The following ZNF276 variants were observed in gnomAD, a reference collection of about 807,000 sequenced individuals.
The protein encoded by ZNF276 is zinc finger protein 276.
Under a neutral mutation model 63.9 loss-of-function variants are expected in ZNF276, and 59 were observed. The ratio of observed to expected loss-of-function variants is 0.92; its 90% CI spans 0.75 to 1.15. The LOEUF (loss-of-function observed/expected upper bound fraction) is 1.15, where lower values mean the gene tolerates loss of function less well. Among genes scored for constraint, ZNF276 ranks in the 50% most tolerant of loss-of-function variants. ZNF276 has a pLI of 0.00. For synonymous variants in ZNF276, 496 were observed against 348.4 expected, an observed-to-expected ratio of 1.42 and a Z score of -4.72; for missense variants, 1,084 against 843.8, an observed-to-expected ratio of 1.28 and a Z score of -3.53.
At chr16:89,720,581 A>G, upstream of ZNF276, 4 of 1,218,204 alleles carry the variant, frequency 3.3e-6, no homozygotes, top group Middle Eastern at 6.5e-4. Context: ...GAGCTGTCCA[A>G]GGTCACTGCA....
chr16:89,731,171 C>T (rs549935867), intron 6 of ZNF276, among the ~76,000 whole-genome samples: 14 of 152,336 alleles, frequency 9.2e-5, no homozygotes, highest in South Asian at 4.1e-4. Flanking sequence ...GTGAGGGGGA[C>T]ATGTGGCTAG....
At chr16:89,725,711 A>C (rs2061447231) in intron 4 of ZNF276, among the ~76,000 whole-genome samples, 1 of 151,874 alleles carries the variant, frequency 6.6e-6, no homozygotes, top group Non-Finnish European at 1.5e-5. Context: ...GAATCGCTTG[A>C]CCCTGGGAGG....
chr16:89,720,622 C>A, upstream of ZNF276: 1 of 1,228,462 alleles, frequency 8.1e-7, no homozygotes, highest in Non-Finnish European at 1.0e-6. Context: ...CCGTCCTCGC[C>A]CGGGAACCGC....
In ZNF276 at chr16:89,739,633, G is replaced by T. The variant is rs2062074812; in HGVS notation, c.*1387G>T. ...TGCTGGGGACACCCCTGGGGGTCGGGACGTGTACCCTGGGAGGCCTGGCTG... is the reference window on the plus strand; with the variant it reads ...TGCTGGGGACACCCCTGGGGGTCGGTACGTGTACCCTGGGAGGCCTGGCTG... On this transcript the variant is annotated 3_prime_UTR_variant, in exon 11 of 11. Coordinates refer to ENST00000443381, the MANE Select transcript of ZNF276 (RefSeq NM_001113525.2). 2 of 1,518,176 alleles carry T rather than the reference G, an allele frequency of 1.3e-6. No homozygotes were observed. The highest frequency in any genetic ancestry group is 2.4e-5 in the South Asian group (2 of 83,280). The allele number at this position is 1,518,176 out of a possible 1,614,324, so 94.0% of individuals were successfully genotyped here. A position where few individuals can be genotyped will look rare whatever the true frequency, so the allele number is the denominator to read the frequency against.
intron 2 of ZNF276, 81 bp downstream of exon 2, chr16:89,722,915 C>G (rs1415058388): frequency 6.4e-7 from 1 of 1,558,746 alleles, no homozygotes; most frequent in African/African-American, 1.3e-5. Flanking sequence ...CAGGGCGTGC[C>G]TCCGCGGGAG....
At position 89,733,576 on chromosome 16, in the gene ZNF276, T is replaced by C; in HGVS notation, c.1356+19T>C. ...CATGAAGGTGAGCACTGGCTGTGCCTGACCCAGGCCCGGCAGCTGTCAGTG... is the reference window on the plus strand; with the variant it reads ...CATGAAGGTGAGCACTGGCTGTGCCCGACCCAGGCCCGGCAGCTGTCAGTG... On this transcript the variant is annotated intron_variant, in intron 8 of 10. Coordinates refer to ENST00000443381, the MANE Select transcript of ZNF276 (RefSeq NM_001113525.2). 6.2e-7 allele frequency: 1 copy of C among 1,613,210 alleles called. No individual in the cohort carries two copies. Among genetic ancestry groups the C allele is most frequent in the South Asian group, 1.1e-5 (1 of 91,048 alleles).
intron 9 of ZNF276, among the ~76,000 whole-genome samples, chr16:89,734,362 G>C (rs992126999): frequency 2.2e-4 from 34 of 151,966 alleles, no homozygotes; most frequent in African/African-American, 7.7e-4. Context: ...GTCCTGCTCT[G>C]TTGCCCAGGC....
chr16:89,738,893 G>C lies in ZNF276; in HGVS notation c.*647G>C, dbSNP rs17227403. On this transcript the variant is annotated 3_prime_UTR_variant, in exon 11 of 11. Coordinates refer to ENST00000443381, the MANE Select transcript of ZNF276 (RefSeq NM_001113525.2). ...CATCTTGACGTTACCTCTGCCACGT[G>C]TGAGAAGCTCTTTTTCGGGCACCGA... 4.1e-3 allele frequency: 6,657 copies of C among 1,614,250 alleles called. 16 individuals carry two copies. Among genetic ancestry groups the C allele is most frequent in the Non-Finnish European group, 4.5e-3 (5,354 of 1,180,046 alleles).
In ZNF276 at chr16:89,723,341, T is replaced by C. The variant is rs1409048482; in HGVS notation, c.638T>C (p.Leu213Pro). 1 of 1,612,900 alleles carries C rather than the reference T, an allele frequency of 6.2e-7. No homozygotes were observed. The highest frequency in any genetic ancestry group is 8.5e-7 in the Non-Finnish European group (1 of 1,180,038). ...GGACATGCGGCCAGCTGCGGGGCCCTGCCCCACCTTCAGAGGACACTGTCC... is the reference window on the plus strand; with the variant it reads ...GGACATGCGGCCAGCTGCGGGGCCCCGCCCCACCTTCAGAGGACACTGTCC... Reference protein sequence around the residue: ...VHGHAASCGALPHLQRTLSSE... With the variant: ...VHGHAASCGAPPHLQRTLSSE... The change falls in exon 4 of 11, where the codon CTG (leucine) becomes CCG (proline). Residue 213 changes from leucine to proline, a missense_variant. By Grantham distance (98) the Leu-to-Pro change is moderately conservative. Coordinates refer to ENST00000443381, the MANE Select transcript of ZNF276 (RefSeq NM_001113525.2).
intron 4 of ZNF276, among the ~76,000 whole-genome samples, chr16:89,724,958 A>G (rs1043794498): frequency 3.9e-5 from 6 of 151,946 alleles, no homozygotes; most frequent in Non-Finnish European, 7.4e-5. Context: ...GTGTTTATTT[A>G]TTTTTGAGAC....
chr16:89,729,117 C>A, intron 5 of ZNF276, 118 bp from the exon 6 acceptor site: 2 of 813,620 alleles, frequency 2.5e-6, no homozygotes, highest in Admixed American at 2.5e-5. Context: ...AAGACATTTT[C>A]AGAAGAACTC....
intron 6 of ZNF276, among the ~76,000 whole-genome samples, chr16:89,730,471 C>T (rs117090085): frequency 0.011 from 1,650 of 152,194 alleles, 15 homozygotes; most frequent in South Asian, 0.048. Context: ...GAGCCTTTTC[C>T]GGATCGAGGC....
chr16:89,735,117 T>C (rs1314068037), intron 9 of ZNF276, among the ~76,000 whole-genome samples: 1 of 151,736 alleles, frequency 6.6e-6, no homozygotes, highest in East Asian at 1.9e-4. Context: ...TGGGCAACAG[T>C]GAGACACTGT....
At position 89,722,646 on chromosome 16, in the gene ZNF276, C is replaced by A; in HGVS notation, c.321C>A (p.Ser107=). The change falls in exon 2 of 11, where the codon TCC becomes TCA. Residue 107 remains serine (S), a synonymous_variant. Coordinates refer to ENST00000443381, the MANE Select transcript of ZNF276 (RefSeq NM_001113525.2). The part of the protein sequence containing the change: ...RAPGASMERP[S]AEERVLVRDF... ...CTGGAGCGAGCATGGAGAGGCCATC[C>A]GCAGAGGAGCGCGTGCTCGTACGGG... 1 of 1,612,158 alleles carries A rather than the reference C, an allele frequency of 6.2e-7. No homozygotes were observed. The highest frequency in any genetic ancestry group is 8.5e-7 in the Non-Finnish European group (1 of 1,180,028).
chr16:89,729,039 C>T (rs1007942339), intron 5 of ZNF276, among the ~76,000 whole-genome samples, 196 bp from the exon 6 acceptor site: 12 of 152,228 alleles, frequency 7.9e-5, no homozygotes, highest in Admixed American at 7.2e-4. Context: ...GTGGGGATTG[C>T]TGGCTTGTGA....
At chr16:89,726,854 C>CT (rs1567569940) in intron 4 of ZNF276, among the ~76,000 whole-genome samples, 1 of 150,350 alleles carries the variant, frequency 6.7e-6, no homozygotes, top group African/African-American at 2.5e-5. Context: ...CCACGTTGGC[C>CT]AGGCTGGTCT....
chr16:89,738,989 G>C lies in ZNF276; in HGVS notation c.*743G>C. The C allele has an allele frequency of 1.2e-6, 2 of 1,614,222 alleles. No individual in the cohort carries two copies. Among genetic ancestry groups the C allele is most frequent in the Non-Finnish European group, 1.7e-6 (2 of 1,180,036 alleles). On this transcript the variant is annotated 3_prime_UTR_variant, in exon 11 of 11. Coordinates refer to ENST00000443381, the MANE Select transcript of ZNF276 (RefSeq NM_001113525.2). ...ACGGGGTTGCCCTAGAGAGAAAACAGGCAAACTCACAGGTTAGAAGACATA... is the reference window on the plus strand; with the variant it reads ...ACGGGGTTGCCCTAGAGAGAAAACACGCAAACTCACAGGTTAGAAGACATA...
intron 9 of ZNF276, 78 bp downstream of exon 9, chr16:89,734,116 A>T: frequency 7.3e-7 from 1 of 1,366,064 alleles, no homozygotes. Context: ...CCTCATACCC[A>T]TCCCCGCCCC....
chr16:89,732,137 A>G (rs2061674363), intron 6 of ZNF276: 1 of 146,966 alleles, frequency 6.8e-6, no homozygotes, highest in Admixed American at 7.0e-5. Flanking sequence ...TCTTACCTGG[A>G]TCCAGAAAGG....
Sources: gnomAD v4.1 joint callset for allele counts (sites outside exome capture counted in the v4.1 genomes callset) on GRCh38, gnomAD v4.1.1 for gene constraint, MANE v1.5 for transcripts, NCBI Gene and HGNC (gene_info 2026-07-23, HGNC 2026-07-21) for gene names.